The following KIF21A variants were observed in gnomAD, a reference collection of about 807,000 sequenced individuals.
KIF21A encodes kinesin family member 21A.
KIF21A carries 114 observed loss-of-function variants against 202.9 expected under a neutral mutation model. The observed-to-expected ratio is 0.56, with a 90% CI of 0.48 to 0.66. The LOEUF (loss-of-function observed/expected upper bound fraction) is 0.66, where lower values mean the gene tolerates loss of function less well. KIF21A is among the 30% of genes least tolerant of loss of function. The pLI is 0.00. For synonymous variants in KIF21A, 667 were observed against 670.8 expected (o/e 0.99, Z 0.09); for missense variants, 1,677 against 1,994.9 (o/e 0.84, Z 3.04).
chr12:39,326,559 GTA>G (rs1157632045), intron 24 of KIF21A, among the ~76,000 whole-genome samples: 1 of 152,186 alleles, frequency 6.6e-6, no homozygotes, highest in Non-Finnish European at 1.5e-5. Flanking sequence ...ACTTTGAATG[GTA>G]AACTGTAGAA....
intron 1 of KIF21A, among the ~76,000 whole-genome samples, chr12:39,380,140 T>C (rs913615313): frequency 2.6e-5 from 4 of 152,188 alleles, no homozygotes; most frequent in African/African-American, 9.6e-5. Flanking sequence ...GCTAATTTTT[T>C]GTATTTTAGT....
chr12:39,414,300 A>C (rs1953356410), intron 1 of KIF21A, among the ~76,000 whole-genome samples: 1 of 152,236 alleles, frequency 6.6e-6, no homozygotes, highest in Non-Finnish European at 1.5e-5. Context: ...GCAGCTGTGC[A>C]GAAAGCAGAC....
intron 2 of KIF21A, 43 bp from the exon 3 acceptor site, chr12:39,369,954 T>A: frequency 6.2e-7 from 1 of 1,600,090 alleles, no homozygotes; most frequent in Non-Finnish European, 8.6e-7. Context: ...AACCTTAACA[T>A]AACCTTAAGA....
At chr12:39,309,156 T>G (rs778389529) in intron 33 of KIF21A, among the ~76,000 whole-genome samples, 17 of 152,182 alleles carry the variant, frequency 1.1e-4, no homozygotes, top group Non-Finnish European at 2.1e-4. Context: ...ACTCTCAGCT[T>G]TTCAATCTCT....
chr12:39,336,306 A>G (rs1334378397), intron 17 of KIF21A, among the ~76,000 whole-genome samples: 1 of 152,212 alleles, frequency 6.6e-6, no homozygotes, highest in African/African-American at 2.4e-5. Flanking sequence ...TGGAAAGAAG[A>G]AGAAAAATAA....
At position 39,330,222 on chromosome 12, in the gene KIF21A, A is replaced by G. The variant is rs756173710; in HGVS notation, c.3340+20T>C. On this transcript the variant is annotated intron_variant, in intron 24 of 37. Transcript: ENST00000361418. ...TAATTCATGCAGCTGTAGGATACAC[A>G]GAAAGCTAAACATACTTACCTAATG... is the stretch of plus-strand genomic sequence containing the variant. 1.2e-6 allele frequency: 2 copies of G among 1,605,974 alleles called. No homozygotes were observed. Among genetic ancestry groups the G allele is most frequent in the South Asian group, 1.1e-5 (1 of 90,918 alleles).
intron 1 of KIF21A, among the ~76,000 whole-genome samples, chr12:39,412,797 T>C (rs1380717578): frequency 6.6e-6 from 1 of 152,164 alleles, no homozygotes; most frequent in Non-Finnish European, 1.5e-5. Context: ...TCTTTACAAA[T>C]ACCTACTTTT....
chr12:39,420,794 A>G (rs915731669), intron 1 of KIF21A, among the ~76,000 whole-genome samples: 1 of 152,212 alleles, frequency 6.6e-6, no homozygotes, highest in South Asian at 2.1e-4. Context: ...AAGAAAAAAA[A>G]AAATCAGACA....
At chr12:39,357,574 C>T (rs2138849045) in intron 8 of KIF21A, 137 bp from the exon 9 acceptor site, 2 of 728,274 alleles carry the variant, frequency 2.7e-6, no homozygotes, top group South Asian at 3.0e-5. Flanking sequence ...AAAAGAAATC[C>T]TTTCACCTCT....
At position 39,343,684 on chromosome 12, in the gene KIF21A, T is replaced by C. The variant is rs57117684; in HGVS notation, c.1713-1560A>G. 7.0e-4 allele frequency among the ~76,000 whole-genome samples: 106 copies of C among 152,292 alleles called. No individual in the cohort carries two copies. In the East Asian group the frequency reaches 0.018, roughly 26 times the overall value. On this transcript the variant is annotated intron_variant, in intron 12 of 37. Transcript: ENST00000361418. ...ACTATGAATATAAATACTTTTCCCT[T>C]GTAAGGACTTTTCAGAGTTTGTCAT...
intron 37 of KIF21A, among the ~76,000 whole-genome samples, chr12:39,299,747 T>C (rs1452543796): frequency 6.6e-6 from 1 of 152,166 alleles, no homozygotes; most frequent in Non-Finnish European, 1.5e-5. Flanking sequence ...GTGGTACATA[T>C]ACATCATGGA....
intron 1 of KIF21A, among the ~76,000 whole-genome samples, chr12:39,397,361 A>T (rs191704436): frequency 5.8e-4 from 89 of 152,306 alleles, no homozygotes; most frequent in African/African-American, 2.1e-3. Flanking sequence ...AGTGAAACAC[A>T]TATCAGGATA....
chr12:39,331,680 T>G lies in KIF21A; in HGVS notation c.3153+10A>C, dbSNP rs768310845. On this transcript the variant is annotated intron_variant, in intron 22 of 37. Transcript: ENST00000361418. ...CTTAGATTTTCAGTAACAGTGTGGTTGTATCTTACCTTATTGATGCCCATT... is the reference window on the plus strand; with the variant it reads ...CTTAGATTTTCAGTAACAGTGTGGTGGTATCTTACCTTATTGATGCCCATT... 10 of 1,571,384 alleles carry G rather than the reference T, an allele frequency of 6.4e-6. No individual in the cohort carries two copies. In the South Asian group the frequency reaches 1.1e-4, roughly 17 times the overall value.
At chr12:39,441,748 T>A (rs1160534352) in intron 1 of KIF21A, among the ~76,000 whole-genome samples, 2 of 147,510 alleles carry the variant, frequency 1.4e-5, no homozygotes, top group African/African-American at 5.0e-5. Context: ...GCCATTACTA[T>A]GCCTGACCCA....
In KIF21A at chr12:39,315,940, C is replaced by G. The variant is rs531164985; in HGVS notation, c.3939G>C (p.Glu1313Asp). 7.5e-6 allele frequency: 12 copies of G among 1,605,512 alleles called. No individual in the cohort carries two copies. In the South Asian group the frequency reaches 1.1e-4, roughly 15 times the overall value. ...KSDESDSSLS[E>D]VHRSSRRGII... ...GGCAGGAAAGAAAGTACCTGTGTAC[C>G]TCCGAGAGAGAGGAGTCACTTTCAT... Residue 1313 changes from glutamate to aspartate, a missense_variant, in exon 30 of 38, where the codon GAG becomes GAC. This residue lies in a region of KIF21A where 705 missense variants were observed against 791.9 expected (regional missense o/e 0.89). Coordinates refer to ENST00000361418, the MANE Select transcript of KIF21A (RefSeq NM_001173464.2).
intron 3 of KIF21A, among the ~76,000 whole-genome samples, chr12:39,368,613 G>A (rs1192545914): frequency 6.6e-6 from 1 of 152,018 alleles, no homozygotes; most frequent in Non-Finnish European, 1.5e-5. Context: ...ATTTTGGAGG[G>A]TGAAAGGGAA....
At chr12:39,380,738 T>A (rs1950559634) in intron 1 of KIF21A, among the ~76,000 whole-genome samples, 1 of 151,372 alleles carries the variant, frequency 6.6e-6, no homozygotes, top group Admixed American at 6.6e-5. Context: ...GGAAGGAAGG[T>A]AGGTAGATTG....
chr12:39,436,444 ATATATTTTTT>A (rs1490708709), intron 1 of KIF21A, among the ~76,000 whole-genome samples: 2 of 113,568 alleles, frequency 1.8e-5, no homozygotes, highest in South Asian at 5.8e-4. Context: ...ATATATATAT[ATATATTTTTT>A]TTTTTTTTAG....
intron 1 of KIF21A, among the ~76,000 whole-genome samples, chr12:39,403,250 C>CA (rs1952312885): frequency 1.3e-5 from 2 of 152,260 alleles, no homozygotes; most frequent in African/African-American, 4.8e-5. Context: ...CCAAGATATG[C>CA]AATACACAGT....
Sources: allele counts gnomAD v4.1 joint callset (sites outside exome capture counted in the v4.1 genomes callset), GRCh38; gene constraint gnomAD v4.1.1; regional missense constraint gnomAD v4.1.1; transcripts MANE v1.5; gene names NCBI Gene and HGNC (gene_info 2026-07-23, HGNC 2026-07-21).